The following NIBAN2 variants were observed in gnomAD, a reference collection of about 807,000 sequenced individuals.
The protein encoded by NIBAN2 is protein Niban 2.
In NIBAN2, 36 loss-of-function variants were observed where a neutral mutation model predicts 81.8. The observed-to-expected ratio is 0.44, with a 90% CI of 0.34 to 0.58. NIBAN2 has a LOEUF of 0.58. NIBAN2 is among the 20% of genes least tolerant of loss of function. The pLI, the probability that NIBAN2 is intolerant of heterozygous loss-of-function variation, is 0.02. For synonymous variants in NIBAN2, 445 were observed against 441.6 expected (o/e 1.01, Z -0.10); for missense variants, 897 against 1,014.1 (o/e 0.88, Z 1.57).
intron 2 of NIBAN2, among the ~76,000 whole-genome samples, chr9:127,530,413 G>A (rs977408405): frequency 6.6e-6 from 1 of 152,194 alleles, no homozygotes; most frequent in African/African-American, 2.4e-5. Flanking sequence ...GCCAGGTGCG[G>A]CAGCTGAGGC....
intron 1 of NIBAN2, among the ~76,000 whole-genome samples, chr9:127,542,376 T>C (rs1426734981): frequency 6.6e-6 from 1 of 152,140 alleles, no homozygotes; most frequent in Non-Finnish European, 1.5e-5. Flanking sequence ...GTTCCTCATG[T>C]GGCTCCCACA....
chr9:127,574,035 G>A (rs1334346071), upstream of NIBAN2, among the ~76,000 whole-genome samples: 1 of 152,154 alleles, frequency 6.6e-6, no homozygotes, highest in Non-Finnish European at 1.5e-5. Flanking sequence ...TTATTGATTT[G>A]TAAGAGTTCT....
chr9:127,578,082 T>C (rs1196562070), intron 1 of NIBAN2, among the ~76,000 whole-genome samples: 2 of 151,398 alleles, frequency 1.3e-5, no homozygotes, highest in East Asian at 2.0e-4. Context: ...TCCCATCTAC[T>C]TGGGAGGCTG....
chr9:127,515,584 C>T (rs1386327933), intron 8 of NIBAN2, among the ~76,000 whole-genome samples: 2 of 150,142 alleles, frequency 1.3e-5, no homozygotes, highest in African/African-American at 2.5e-5. Flanking sequence ...CACCTGTAAT[C>T]CCAGCACTTT....
chr9:127,512,364 C>T (rs138781575), intron 8 of NIBAN2, among the ~76,000 whole-genome samples: 4,984 of 150,522 alleles, frequency 0.033, 269 homozygotes, highest in African/African-American at 0.11. Flanking sequence ...CGGCTCACTG[C>T]AGCCTCTGCC....
chr9:127,549,647 A>G lies in NIBAN2; in HGVS notation c.56-17869T>C, dbSNP rs911890144. Among the ~76,000 whole-genome samples, 6 of 152,326 alleles carry G rather than the reference A, an allele frequency of 3.9e-5. No individual in the cohort carries two copies. In the South Asian group the frequency reaches 6.2e-4, roughly 16 times the overall value. On this transcript the variant is annotated intron_variant, in intron 1 of 13. Coordinates refer to ENST00000373312, the MANE Select transcript of NIBAN2 (RefSeq NM_022833.4). ...AAAGCCAGGGAGGGAAAGAAGGGGA[A>G]GAAGAGAACAAGAAAGATGAGCCAA...
intron 1 of NIBAN2, among the ~76,000 whole-genome samples, chr9:127,562,512 A>G (rs1225767484): frequency 1.3e-5 from 2 of 152,108 alleles, no homozygotes; most frequent in Non-Finnish European, 2.9e-5. Flanking sequence ...CCATTCCTAC[A>G]CACCGCAGGC....
At position 127,563,964 on chromosome 9, in the gene NIBAN2, T is replaced by C. The variant is rs1183351250; in HGVS notation, c.55+4856A>G. Among the ~76,000 whole-genome samples the C allele has an allele frequency of 1.3e-5, 2 of 152,166 alleles. No individual in the cohort carries two copies. The highest frequency in any genetic ancestry group is 2.9e-5 in the Non-Finnish European group (2 of 68,032). On this transcript the variant is annotated intron_variant, in intron 1 of 13. Coordinates refer to ENST00000373312, the MANE Select transcript of NIBAN2 (RefSeq NM_022833.4). The surrounding 1 kb of genome is among the most constrained non-coding windows in gnomAD (Gnocchi z 4.1). Reference sequence around the variant, plus strand: ...TCTTAGCAGGAGAGTGTCAAACGCCTGCTGCCTTCTTAAAGGCTATGTGTC... The same window carrying C: ...TCTTAGCAGGAGAGTGTCAAACGCCCGCTGCCTTCTTAAAGGCTATGTGTC...
At chr9:127,523,212 T>A (rs1201942154) in intron 5 of NIBAN2, among the ~76,000 whole-genome samples, 205 of 5,270 alleles carry the variant, frequency 0.039, 66 homozygotes, top group African/African-American at 0.061. Context: ...TATATATATA[T>A]ATATATATAT....
At chr9:127,518,683 G>A (rs1204502840) in intron 5 of NIBAN2, among the ~76,000 whole-genome samples, 1 of 152,222 alleles carries the variant, frequency 6.6e-6, no homozygotes, top group South Asian at 2.1e-4. Context: ...TCTGAACAAT[G>A]GAACAATGGC....
chr9:127,568,918 T>C lies in NIBAN2; in HGVS notation c.-44A>G, dbSNP rs1166636800. 3.2e-6 allele frequency: 4 copies of C among 1,237,654 alleles called. No homozygotes were observed. The highest frequency in any genetic ancestry group is 4.0e-6 in the Non-Finnish European group (4 of 991,296). 76.7% of individuals were successfully genotyped at this position (1,237,654 alleles called of 1,614,324 possible). A position where few individuals can be genotyped will look rare whatever the true frequency, so the allele number is the denominator to read the frequency against. On this transcript the variant is annotated 5_prime_UTR_variant, in exon 1 of 14. Transcript: ENST00000373312. ...CCCGATCCGGCCGACGCCGCCGCTGTTGCCCGCGCTGCTCAGGCGGACGCC... is the reference window on the plus strand; with the variant it reads ...CCCGATCCGGCCGACGCCGCCGCTGCTGCCCGCGCTGCTCAGGCGGACGCC...
chr9:127,568,196 G>C (rs1837891168), intron 1 of NIBAN2, among the ~76,000 whole-genome samples: 1 of 152,180 alleles, frequency 6.6e-6, no homozygotes, highest in African/African-American at 2.4e-5. Context: ...TCTGGTGACC[G>C]GTCCCTGGGC....
chr9:127,538,630 G>GAAAAAAAA (rs11341312), intron 1 of NIBAN2, among the ~76,000 whole-genome samples: 1 of 127,380 alleles, frequency 7.9e-6, no homozygotes. Context: ...CCATCTCAAA[G>GAAAAAAAA]AAAAAAAAAA....
chr9:127,531,916 T>A, intron 1 of NIBAN2, 138 bp from the exon 2 acceptor site: 1 of 1,186,242 alleles, frequency 8.4e-7, no homozygotes, highest in Non-Finnish European at 1.2e-6. Flanking sequence ...CGCGCTCATC[T>A]GCGCTGCATT....
At chr9:127,564,091 G>A (rs561471136) in intron 1 of NIBAN2, among the ~76,000 whole-genome samples, 5 of 151,808 alleles carry the variant, frequency 3.3e-5, no homozygotes, top group Admixed American at 6.6e-5. Flanking sequence ...TCAAGAGTTC[G>A]AGACCAACTT....
intron 8 of NIBAN2, 103 bp downstream of exon 8, chr9:127,516,754 C>G: frequency 8.2e-7 from 1 of 1,221,080 alleles, no homozygotes; most frequent in Non-Finnish European, 1.2e-6. Context: ...TACAAATGAT[C>G]AATGAGCAAG....
chr9:127,578,187 T>A lies in NIBAN2; in HGVS notation c.16+735A>T, dbSNP rs1476697609. ...GCCTGAGAGACAGAGCAAGACTCCA[T>A]CTCAAAAAAAAAAAAAAAAATTTAG... is the stretch of plus-strand genomic sequence containing the variant. On this transcript the variant is annotated intron_variant, in intron 1 of 13. Coordinates refer to the NIBAN2 transcript ENST00000373314. Among the ~76,000 whole-genome samples the A allele has an allele frequency of 2.2e-5, 3 of 136,104 alleles. No homozygotes were observed. In the East Asian group the frequency reaches 6.4e-4, roughly 29 times the overall value. 89.3% of individuals were successfully genotyped at this position (136,104 alleles called of 152,430 possible).
intron 5 of NIBAN2, among the ~76,000 whole-genome samples, chr9:127,519,882 GGAAAATCTGGACA>G (rs1836903051): frequency 1.3e-5 from 2 of 152,226 alleles, no homozygotes; most frequent in South Asian, 4.1e-4. Flanking sequence ...AGTTTTGACT[GGAAAATCTGGACA>G]GTGCGTTACC....
intron 1 of NIBAN2, among the ~76,000 whole-genome samples, chr9:127,574,847 G>A (rs769349545): frequency 6.6e-6 from 1 of 150,768 alleles, no homozygotes; most frequent in African/African-American, 2.5e-5. Flanking sequence ...GGAAAGGTCC[G>A]TAGCTTACAG....
Sources: allele counts gnomAD v4.1 joint callset (sites outside exome capture counted in the v4.1 genomes callset), GRCh38; gene constraint gnomAD v4.1.1; non-coding constraint Gnocchi (gnomAD v3.1); transcripts MANE v1.5; gene names NCBI Gene and HGNC (gene_info 2026-07-23, HGNC 2026-07-21).